The following PCDH9 variants were observed in gnomAD, a reference collection of about 807,000 sequenced individuals.
The protein encoded by PCDH9 is protocadherin 9.
A neutral mutation model predicts 70.6 loss-of-function variants in PCDH9; 24 were observed. That is an observed-to-expected ratio of 0.34 (90% CI 0.25 to 0.48). The LOEUF (loss-of-function observed/expected upper bound fraction) is 0.48. Ranked by LOEUF, PCDH9 falls within the 20% of genes least tolerant of loss-of-function variation. The pLI is 0.99. For missense variants in PCDH9, 1,281 were observed against 1,503.6 expected (o/e 0.85, Z 2.45); for synonymous variants, 562 against 558.5 (o/e 1.01, Z -0.09).
intron 3 of PCDH9, among the ~76,000 whole-genome samples, chr13:66,893,410 A>C (rs1417678330): frequency 6.6e-6 from 1 of 152,168 alleles, no homozygotes; most frequent in Non-Finnish European, 1.5e-5. Flanking sequence ...AGCACAGCTT[A>C]TCTGGGGTTT....
intron 2 of PCDH9, among the ~76,000 whole-genome samples, chr13:67,145,816 G>A (rs1295584238): frequency 6.6e-6 from 1 of 151,924 alleles, no homozygotes; most frequent in East Asian, 1.9e-4. Context: ...TTCCTAAAGT[G>A]TTTAGAAAGT....
intron 4 of PCDH9, among the ~76,000 whole-genome samples, chr13:66,539,197 C>A (rs1447589388): frequency 6.6e-6 from 1 of 152,162 alleles, no homozygotes; most frequent in African/African-American, 2.4e-5. Context: ...ACATCCACTA[C>A]CTTCACCTCT....
chr13:66,679,483 G>A (rs1016764770), intron 3 of PCDH9, among the ~76,000 whole-genome samples: 4 of 151,780 alleles, frequency 2.6e-5, no homozygotes, highest in Admixed American at 1.3e-4. Context: ...AACCTTTTAA[G>A]CTAAAGATTA....
chr13:66,952,297 A>T (rs1323011524), intron 2 of PCDH9, among the ~76,000 whole-genome samples: 1 of 152,172 alleles, frequency 6.6e-6, no homozygotes, highest in Non-Finnish European at 1.5e-5. Context: ...CTGCATCTAC[A>T]GCCACCACTG....
chr13:66,905,059 G>A (rs2082338026), intron 2 of PCDH9, among the ~76,000 whole-genome samples: 1 of 151,778 alleles, frequency 6.6e-6, no homozygotes, highest in Admixed American at 6.6e-5. Flanking sequence ...CTGTTTCTAA[G>A]TAACTTTCAT....
chr13:66,574,458 C>T lies in PCDH9; in HGVS notation c.3340+56752G>A, dbSNP rs2076783622. 2.0e-5 allele frequency among the ~76,000 whole-genome samples: 3 copies of T among 152,154 alleles called. No homozygotes were observed. The South Asian group carries it at 6.2e-4, about 32-fold the overall frequency. On this transcript the variant is annotated intron_variant, in intron 4 of 4. Transcript: ENST00000377865. ...TTAAATTGATGATATACAAGCTACC[C>T]ACACATCCTCCATTTACATGCTCCT...
At chr13:66,885,869 T>G (rs898961102) in intron 3 of PCDH9, 2 of 152,202 alleles carry the variant, frequency 1.3e-5, no homozygotes, top group African/African-American at 4.8e-5. Context: ...AACTGTTTTC[T>G]TTATCTAAAA....
At chr13:66,704,971 C>T (rs1287810679) in intron 3 of PCDH9, among the ~76,000 whole-genome samples, 5 of 151,728 alleles carry the variant, frequency 3.3e-5, no homozygotes, top group Non-Finnish European at 7.4e-5. Flanking sequence ...TTCATCAATG[C>T]TTAAGTATAA....
At chr13:67,046,582 T>G (rs2085226017) in intron 2 of PCDH9, among the ~76,000 whole-genome samples, 1 of 152,170 alleles carries the variant, frequency 6.6e-6, no homozygotes, top group Admixed American at 6.6e-5. Context: ...TCTAGGATTT[T>G]TTTTCATTTA....
intron 4 of PCDH9, among the ~76,000 whole-genome samples, chr13:66,580,464 T>C (rs1277982826): frequency 6.6e-6 from 1 of 151,938 alleles, no homozygotes; most frequent in African/African-American, 2.4e-5. Flanking sequence ...TAGAAAGTCA[T>C]TAAACCTTGA....
At chr13:66,929,320 T>A (rs951470859) in intron 2 of PCDH9, among the ~76,000 whole-genome samples, 1 of 151,712 alleles carries the variant, frequency 6.6e-6, no homozygotes, top group Non-Finnish European at 1.5e-5. Context: ...ATTATTAATT[T>A]TTAATTTTTT....
At chr13:66,398,403 A>C (rs1158263680) in intron 4 of PCDH9, among the ~76,000 whole-genome samples, 2 of 152,218 alleles carry the variant, frequency 1.3e-5, no homozygotes, top group African/African-American at 4.8e-5. Context: ...ATCAGCAAAA[A>C]AGCATAAAAG....
intron 4 of PCDH9, among the ~76,000 whole-genome samples, chr13:66,564,776 C>CA (rs1367519237): frequency 6.6e-6 from 1 of 151,858 alleles, no homozygotes; most frequent in Non-Finnish European, 1.5e-5. Context: ...AGTTATCTCC[C>CA]AAAAGTGATT....
chr13:67,141,334 T>C (rs989431192), intron 2 of PCDH9, among the ~76,000 whole-genome samples: 1 of 152,080 alleles, frequency 6.6e-6, no homozygotes, highest in African/African-American at 2.4e-5. Flanking sequence ...ATGCCTATAA[T>C]CCCAGCATTT....
intron 3 of PCDH9, among the ~76,000 whole-genome samples, chr13:66,688,131 T>G (rs965897989): frequency 1.3e-5 from 2 of 152,124 alleles, no homozygotes; most frequent in African/African-American, 4.8e-5. Flanking sequence ...AATGTTTCTT[T>G]CATTTAAGAC....
chr13:66,830,020 C>T (rs550343729), intron 3 of PCDH9, among the ~76,000 whole-genome samples: 1 of 151,824 alleles, frequency 6.6e-6, no homozygotes, highest in South Asian at 2.1e-4. Flanking sequence ...TTTGGTCTAG[C>T]CAAGTGATAA....
chr13:66,556,927 A>T (rs1007210856), intron 4 of PCDH9, among the ~76,000 whole-genome samples: 1 of 152,178 alleles, frequency 6.6e-6, no homozygotes, highest in African/African-American at 2.4e-5. Context: ...ATGTTATATT[A>T]TTTAAAATCA....
chr13:66,739,526 A>G (rs1365315579), intron 3 of PCDH9, among the ~76,000 whole-genome samples: 1 of 144,218 alleles, frequency 6.9e-6, no homozygotes, highest in African/African-American at 2.5e-5. Flanking sequence ...TAAATTCTCC[A>G]ATTAAAAGAC....
chr13:66,955,609 T>G (rs1335903962), intron 2 of PCDH9, among the ~76,000 whole-genome samples: 1 of 152,184 alleles, frequency 6.6e-6, no homozygotes, highest in African/African-American at 2.4e-5. Context: ...ATTTTGGATG[T>G]GTAAAGAGGT....
Sources: gnomAD v4.1 joint callset for allele counts (sites outside exome capture counted in the v4.1 genomes callset) on GRCh38, gnomAD v4.1.1 for gene constraint, MANE v1.5 for transcripts, NCBI Gene and HGNC (gene_info 2026-07-23, HGNC 2026-07-21) for gene names.